CLDN10: variants seen among roughly 807,000 people sequenced by gnomAD.
CLDN10 encodes the protein claudin 10, also known as claudin-10.
In CLDN10, 15 loss-of-function variants were observed where a neutral mutation model predicts 22.9. The ratio of observed to expected loss-of-function variants is 0.65; its 90% CI spans 0.44 to 1.01. CLDN10 has a LOEUF of 1.01. Ranked by LOEUF, CLDN10 falls within the 50% of genes least tolerant of loss-of-function variation. The pLI is 0.00. For synonymous variants in CLDN10, 114 were observed against 111.4 expected, an observed-to-expected ratio of 1.02 and a Z score of -0.15; for missense variants, 247 against 287.8, an observed-to-expected ratio of 0.86 and a Z score of 1.03.
chr13:95,484,830 C>A (rs978553155), intron 1 of CLDN10, among the ~76,000 whole-genome samples: 2 of 143,250 alleles, frequency 1.4e-5, no homozygotes, highest in Non-Finnish European at 3.0e-5. Context: ...TGTGCCACTG[C>A]ACTCCAGCCT....
intron 1 of CLDN10, among the ~76,000 whole-genome samples, chr13:95,459,862 C>T (rs1285262968): frequency 1.3e-5 from 2 of 152,198 alleles, no homozygotes; most frequent in African/African-American, 4.8e-5. Context: ...AAACTTTATG[C>T]TCTGCTTCCC....
At chr13:95,500,169 A>G (rs2042970180) in intron 1 of CLDN10, among the ~76,000 whole-genome samples, 1 of 148,664 alleles carries the variant, frequency 6.7e-6, no homozygotes, top group African/African-American at 2.4e-5. Context: ...TAAAGCCCAA[A>G]GGCTCCCCAT....
At position 95,474,425 on chromosome 13, in the gene CLDN10, A is replaced by G. The variant is rs1482250711; in HGVS notation, c.214+40378A>G. Among the ~76,000 whole-genome samples the G allele has an allele frequency of 3.3e-5, 5 of 152,216 alleles. No homozygotes were observed. In the East Asian group the frequency reaches 9.6e-4, roughly 29 times the overall value. On this transcript the variant is annotated intron_variant, in intron 1 of 4. Coordinates refer to the CLDN10 transcript ENST00000376873. The stretch of plus-strand genomic sequence containing the variant: ...CCACTCACCTCCTGCTGTACGGCCT[A>G]GTTCCTAACAGGCCACAGACTGGTA...
intron 1 of CLDN10, among the ~76,000 whole-genome samples, chr13:95,480,472 G>A (rs2042734300): frequency 6.6e-6 from 1 of 152,222 alleles, no homozygotes; most frequent in African/African-American, 2.4e-5. Flanking sequence ...GAGAGAAATA[G>A]GAAGCGTCTG....
chr13:95,480,178 T>G (rs2042729939), intron 1 of CLDN10, among the ~76,000 whole-genome samples: 1 of 151,152 alleles, frequency 6.6e-6, no homozygotes, highest in South Asian at 2.1e-4. Context: ...AAAAACAGCA[T>G]GGGAATGACC....
At chr13:95,499,017 CT>C (rs796289691) in intron 1 of CLDN10, among the ~76,000 whole-genome samples, 43 of 152,288 alleles carry the variant, frequency 2.8e-4, no homozygotes, top group African/African-American at 9.6e-4. Context: ...GGCATAATGT[CT>C]TCAATTTTCA....
intron 1 of CLDN10, among the ~76,000 whole-genome samples, chr13:95,446,708 A>G (rs7996047): frequency 0.25 from 38,528 of 151,852 alleles, 5,143 homozygotes; most frequent in Non-Finnish European, 0.29. Context: ...TGGGTGTGGA[A>G]GCAGGCACCT....
chr13:95,554,126 G>A (rs1023387614), intron 1 of CLDN10, among the ~76,000 whole-genome samples: 20 of 152,156 alleles, frequency 1.3e-4, no homozygotes, highest in Admixed American at 1.3e-4. Flanking sequence ...TAAGGAATAC[G>A]CATCTAGTTT....
At chr13:95,512,104 G>A (rs1201450702) in intron 1 of CLDN10, among the ~76,000 whole-genome samples, 2 of 109,894 alleles carry the variant, frequency 1.8e-5, no homozygotes, top group South Asian at 6.7e-4. Context: ...AGTCATCTCA[G>A]ACAAAGATCG....
At chr13:95,505,907 A>T (rs1223284924) in intron 1 of CLDN10, among the ~76,000 whole-genome samples, 1 of 152,010 alleles carries the variant, frequency 6.6e-6, no homozygotes, top group East Asian at 1.9e-4. Flanking sequence ...GGTGCCTGCC[A>T]CCACGCCCAG....
intron 1 of CLDN10, among the ~76,000 whole-genome samples, chr13:95,439,553 C>T (rs2042305339): frequency 6.6e-6 from 1 of 152,026 alleles, no homozygotes; most frequent in African/African-American, 2.4e-5. Flanking sequence ...AGGTTGGTCT[C>T]AAAATCCTGT....
At chr13:95,470,800 G>A (rs1291010252) in intron 1 of CLDN10, among the ~76,000 whole-genome samples, 1 of 152,100 alleles carries the variant, frequency 6.6e-6, no homozygotes, top group Non-Finnish European at 1.5e-5. Flanking sequence ...CCCACTCCGG[G>A]TTTATTAGTA....
chr13:95,458,415 G>A (rs146828779), intron 1 of CLDN10, among the ~76,000 whole-genome samples: 3 of 152,242 alleles, frequency 2.0e-5, no homozygotes, highest in African/African-American at 7.2e-5. Context: ...ATTTATAAAG[G>A]AAAGAGGTTT....
intron 1 of CLDN10, among the ~76,000 whole-genome samples, chr13:95,478,591 A>T (rs1267208209): frequency 6.6e-6 from 1 of 152,102 alleles, no homozygotes; most frequent in Non-Finnish European, 1.5e-5. Context: ...GTGAACAGGG[A>T]GGGTGCGCCT....
intron 1 of CLDN10, among the ~76,000 whole-genome samples, chr13:95,507,884 A>G (rs1217884042): frequency 6.6e-6 from 1 of 151,992 alleles, no homozygotes; most frequent in East Asian, 1.9e-4. Context: ...CGGCCTCCCA[A>G]AGTGCTGGGA....
At chr13:95,533,957 C>G (rs2043373560) in intron 1 of CLDN10, 2 of 152,448 alleles carry the variant, frequency 1.3e-5, no homozygotes, top group Non-Finnish European at 2.9e-5. Context: ...CAAGCCTCAG[C>G]CCCCGCCCAT....
intron 1 of CLDN10, among the ~76,000 whole-genome samples, chr13:95,520,790 C>T (rs1484993788): frequency 2.0e-5 from 3 of 152,010 alleles, no homozygotes; most frequent in Non-Finnish European, 4.4e-5. Flanking sequence ...AGACCATCCT[C>T]GCCAACATAG....
intron 1 of CLDN10, 80 bp downstream of exon 1, chr13:95,553,053 C>A (rs1251457198): frequency 6.5e-7 from 1 of 1,546,154 alleles, no homozygotes; most frequent in East Asian, 2.3e-5. Context: ...CCCCCAATAC[C>A]CCCAGCGGGA....
chr13:95,482,717 CT>C (rs1188776511), intron 1 of CLDN10, among the ~76,000 whole-genome samples: 1 of 152,192 alleles, frequency 6.6e-6, no homozygotes, highest in Non-Finnish European at 1.5e-5. Flanking sequence ...TGGCTCACGC[CT>C]GTAATCCCAG....
Sources: gnomAD v4.1 joint callset for allele counts (sites outside exome capture counted in the v4.1 genomes callset) on GRCh38, gnomAD v4.1.1 for gene constraint, MANE v1.5 for transcripts, NCBI Gene and HGNC (gene_info 2026-07-23, HGNC 2026-07-21) for gene names.